Variants in ULK4 observed in about 807,000 individuals in gnomAD.
ULK4 encodes inactive serine/threonine-protein kinase ULK4.
ULK4 carries 133 observed loss-of-function variants against 160.6 expected under a neutral mutation model. That is an observed-to-expected ratio of 0.83 (90% CI 0.72 to 0.96). ULK4 has a LOEUF of 0.96. Among genes scored for constraint, ULK4 ranks in the 40% least tolerant of loss-of-function variants. The pLI, the probability that ULK4 is intolerant of heterozygous loss-of-function variation, is 0.00. For synonymous variants in ULK4, 534 were observed against 539.8 expected (o/e 0.99, Z 0.15); for missense variants, 1,580 against 1,499.5 (o/e 1.05, Z -0.89).
intron 32 of ULK4, among the ~76,000 whole-genome samples, chr3:41,525,538 T>C (rs557820302): frequency 1.1e-4 from 16 of 152,292 alleles, no homozygotes; most frequent in African/African-American, 3.1e-4. Flanking sequence ...CCAAAGGGCA[T>C]AGTTCCTGTA....
At chr3:41,253,590 CGGAAAA>C (rs1205347361) in intron 35 of ULK4, among the ~76,000 whole-genome samples, 3 of 150,378 alleles carry the variant, frequency 2.0e-5, no homozygotes, top group South Asian at 2.1e-4. Context: ...AAAAGAAAGC[CGGAAAA>C]GGAAAAGTGA....
At chr3:41,353,107 G>T (rs925323110) in intron 35 of ULK4, among the ~76,000 whole-genome samples, 4 of 152,156 alleles carry the variant, frequency 2.6e-5, no homozygotes, top group Admixed American at 1.3e-4. Flanking sequence ...ACTTTGGCCT[G>T]TTCCAGGATA....
intron 34 of ULK4, among the ~76,000 whole-genome samples, chr3:41,435,916 C>CTG: frequency 6.6e-6 from 1 of 151,828 alleles, no homozygotes; most frequent in South Asian, 2.1e-4. Flanking sequence ...CCATTGTACT[C>CTG]TAGCCTGGGC....
chr3:41,457,379 G>T (rs763726645), intron 33 of ULK4, among the ~76,000 whole-genome samples: 4 of 152,108 alleles, frequency 2.6e-5, no homozygotes, highest in Non-Finnish European at 5.9e-5. Flanking sequence ...TAGTCGCCAA[G>T]AAACATCGAC....
At chr3:41,494,900 A>T (rs1188385267) in intron 32 of ULK4, among the ~76,000 whole-genome samples, 29 of 152,212 alleles carry the variant, frequency 1.9e-4, no homozygotes, top group African/African-American at 6.7e-4. Flanking sequence ...TTCAAGGAGA[A>T]CTACAAACCA....
intron 22 of ULK4, among the ~76,000 whole-genome samples, chr3:41,737,905 T>C (rs1271423556): frequency 1.3e-5 from 2 of 151,926 alleles, no homozygotes; most frequent in Non-Finnish European, 2.9e-5. Flanking sequence ...GTAACTCGAA[T>C]AGACCACTTA....
intron 35 of ULK4, among the ~76,000 whole-genome samples, chr3:41,381,287 C>T (rs1027239459): frequency 3.3e-5 from 5 of 152,154 alleles, no homozygotes; most frequent in African/African-American, 9.7e-5. Flanking sequence ...TAACCTATAC[C>T]TGGTCACTAC....
intron 34 of ULK4, among the ~76,000 whole-genome samples, chr3:41,429,910 A>G (rs577560423): frequency 3.9e-5 from 6 of 152,322 alleles, no homozygotes; most frequent in Non-Finnish European, 8.8e-5. Context: ...TGTAAAATTA[A>G]TTAAAATTCT....
At position 41,646,688 on chromosome 3, in the gene ULK4, A is replaced by G. The variant is rs548321996; in HGVS notation, c.3071+16919T>C. ...TATGTGTCTTGGAGTTGCTCTTCTC[A>G]AGGAGTATCTTTGTGGCGTTCTCTG... On this transcript the variant is annotated intron_variant, in intron 30 of 36. Transcript: ENST00000301831. 5.4e-3 allele frequency among the ~76,000 whole-genome samples: 815 copies of G among 152,152 alleles called. 5 individuals are homozygous for G. The highest frequency in any genetic ancestry group is 0.018 in the African/African-American group (764 of 41,532).
chr3:41,859,392 C>T (rs983347822), intron 17 of ULK4: 4 of 567,286 alleles, frequency 7.1e-6, no homozygotes, highest in Non-Finnish European at 1.4e-5. Flanking sequence ...CTTCATTTGT[C>T]AACTGTGGTC....
intron 35 of ULK4, among the ~76,000 whole-genome samples, chr3:41,387,096 TA>T (rs551384412): frequency 3.9e-4 from 59 of 152,062 alleles, no homozygotes; most frequent in East Asian, 1.5e-3. Context: ...TGATAGACTT[TA>T]AAAAAAATTG....
Position 41,621,052 on chromosome 3 carries a change from T to G in ULK4, c.3072-5335A>C, listed in dbSNP as rs148211086. 2.8e-3 allele frequency among the ~76,000 whole-genome samples: 426 copies of G among 152,198 alleles called. 7 individuals carry two copies. Among genetic ancestry groups the G allele is most frequent in the Non-Finnish European group, 2.2e-3 (153 of 68,006 alleles). The stretch of plus-strand genomic sequence containing the variant: ...GAATAAAATACTTAGAAATACAACT[T>G]ACAAGGGATGTGAAGGACCTCTTCA... On this transcript the variant is annotated intron_variant, in intron 30 of 36. Coordinates refer to ENST00000301831, the MANE Select transcript of ULK4 (RefSeq NM_017886.4).
At chr3:41,911,720 T>C in intron 9 of ULK4, 61 bp from the exon 10 acceptor site, 1 of 1,279,910 alleles carries the variant, frequency 7.8e-7, no homozygotes, top group South Asian at 1.2e-5. Context: ...AGTTTTATGT[T>C]AGAGAAAAAG....
chr3:41,935,472 GC>G (rs1699744927), intron 4 of ULK4, among the ~76,000 whole-genome samples: 5 of 150,974 alleles, frequency 3.3e-5, no homozygotes, highest in Admixed American at 3.3e-4. Flanking sequence ...CTCGTGATCC[GC>G]CCGCCTCAGC....
At chr3:41,557,374 A>C (rs2087337535) in intron 32 of ULK4, among the ~76,000 whole-genome samples, 1 of 151,884 alleles carries the variant, frequency 6.6e-6, no homozygotes, top group African/African-American at 2.4e-5. Flanking sequence ...TGGGAAACTA[A>C]GAAAATCACC....
chr3:41,698,820 C>G (rs781660420), intron 27 of ULK4, among the ~76,000 whole-genome samples: 28 of 152,290 alleles, frequency 1.8e-4, no homozygotes, highest in Non-Finnish European at 3.2e-4. Context: ...TACCAGTCAC[C>G]ACCCAAAGGT....
chr3:41,477,197 A>G (rs1158375694), intron 32 of ULK4, among the ~76,000 whole-genome samples: 3 of 152,242 alleles, frequency 2.0e-5, no homozygotes, highest in Admixed American at 6.5e-5. Context: ...TGTATGAATT[A>G]TAAGCAAACC....
chr3:41,440,891 T>G (rs1304249160), intron 34 of ULK4, among the ~76,000 whole-genome samples: 2 of 152,080 alleles, frequency 1.3e-5, no homozygotes, highest in Non-Finnish European at 2.9e-5. Flanking sequence ...TCAAGAAAGT[T>G]TTCCATTTCA....
At position 41,861,588 on chromosome 3, in the gene ULK4, C is replaced by T. The variant is rs114330266; in HGVS notation, c.1656+22286G>A. Among the ~76,000 whole-genome samples the T allele has an allele frequency of 6.6e-3, 1,011 of 152,110 alleles. 12 individuals carry two copies. The highest frequency in any genetic ancestry group is 0.023 in the African/African-American group (970 of 41,486). On this transcript the variant is annotated intron_variant, in intron 17 of 36. Coordinates refer to ENST00000301831, the MANE Select transcript of ULK4 (RefSeq NM_017886.4). ...TGTAGGATCCTTTCTTTATCCCTGA[C>T]CTTTAGGAGTTTGATTATTAAATGC...
Sources: gnomAD v4.1 joint callset for allele counts (sites outside exome capture counted in the v4.1 genomes callset) on GRCh38, gnomAD v4.1.1 for gene constraint, MANE v1.5 for transcripts, NCBI Gene and HGNC (gene_info 2026-07-23, HGNC 2026-07-21) for gene names.